MTHFD1L: variants seen among roughly 807,000 people sequenced by gnomAD.
MTHFD1L encodes the protein methylenetetrahydrofolate dehydrogenase (NADP+ dependent) 1 like, also known as monofunctional C1-tetrahydrofolate synthase, mitochondrial.
In MTHFD1L, 81 loss-of-function variants were observed where a neutral mutation model predicts 119.5. That is an observed-to-expected ratio of 0.68 (90% CI 0.57 to 0.82). The LOEUF is 0.82. Among genes scored for constraint, MTHFD1L ranks in the 40% least tolerant of loss-of-function variants. The pLI is 0.00. For missense variants in MTHFD1L, 1,125 were observed against 1,253.4 expected, an observed-to-expected ratio of 0.90 and a Z score of 1.55; for synonymous variants, 430 against 475.2, an observed-to-expected ratio of 0.90 and a Z score of 1.24.
intron 2 of MTHFD1L, among the ~76,000 whole-genome samples, chr6:150,876,441 A>G (rs558205630): frequency 5.6e-4 from 85 of 152,328 alleles, no homozygotes; most frequent in Non-Finnish European, 9.7e-4. Context: ...TGCATTACAC[A>G]GGATATATCG....
intron 7 of MTHFD1L, 146 bp downstream of exon 7, chr6:150,888,127 C>A: frequency 3.5e-6 from 3 of 847,502 alleles, no homozygotes; most frequent in Non-Finnish European, 4.9e-6. Context: ...TTGAATGAGT[C>A]TACTCACCAG....
intron 18 of MTHFD1L, among the ~76,000 whole-genome samples, chr6:150,961,072 AC>A (rs1472833192): frequency 6.7e-6 from 1 of 149,198 alleles, no homozygotes; most frequent in Non-Finnish European, 1.5e-5. Flanking sequence ...TGGTATAATA[AC>A]AACCTTTCCT....
chr6:151,033,416 G>A (rs1785636591), intron 24 of MTHFD1L, among the ~76,000 whole-genome samples: 1 of 152,028 alleles, frequency 6.6e-6, no homozygotes, highest in African/African-American at 2.4e-5. Context: ...CACTGCACCT[G>A]GCCACATATG....
At chr6:151,098,950 C>T (rs559205178) in intron 27 of MTHFD1L, among the ~76,000 whole-genome samples, 85 of 152,040 alleles carry the variant, frequency 5.6e-4, no homozygotes, top group African/African-American at 2.0e-3. Context: ...CCGAGGCAGG[C>T]GGATCACCTG....
chr6:150,995,243 C>T (rs148780570), intron 20 of MTHFD1L, among the ~76,000 whole-genome samples: 29 of 152,210 alleles, frequency 1.9e-4, no homozygotes, highest in East Asian at 9.7e-4. Context: ...AGGCCGGGCA[C>T]GGTGGCTCAC....
chr6:151,033,637 C>G (rs1268219030), intron 24 of MTHFD1L, among the ~76,000 whole-genome samples: 1 of 152,156 alleles, frequency 6.6e-6, no homozygotes, highest in Non-Finnish European at 1.5e-5. Flanking sequence ...TGTATCTAGT[C>G]TTCTCACATT....
intron 1 of MTHFD1L, among the ~76,000 whole-genome samples, chr6:150,872,470 G>A (rs1562288837): frequency 6.6e-6 from 1 of 152,100 alleles, no homozygotes; most frequent in Admixed American, 6.6e-5. Flanking sequence ...CAGAGGAGAG[G>A]GAGAGAGAAG....
chr6:151,059,251 C>T (rs963971346), intron 26 of MTHFD1L, among the ~76,000 whole-genome samples: 7 of 152,080 alleles, frequency 4.6e-5, no homozygotes, highest in African/African-American at 1.7e-4. Flanking sequence ...CACTCTTTTC[C>T]CCAGGCTGGG....
At chr6:151,059,754 G>A (rs1205538674) in intron 26 of MTHFD1L, among the ~76,000 whole-genome samples, 2 of 152,218 alleles carry the variant, frequency 1.3e-5, no homozygotes, top group Non-Finnish European at 2.9e-5. Flanking sequence ...AGTCTGGAGG[G>A]TGGCTGTGCT....
At position 151,015,563 on chromosome 6, in the gene MTHFD1L, G is replaced by A. The variant is rs552389460; in HGVS notation, c.2456G>A (p.Arg819Gln). The change falls in exon 24 of 28, where the codon CGG becomes CAG. Residue 819 changes from arginine to glutamine, a missense_variant. By Grantham distance (43) the Arg-to-Gln change is conservative. Transcript: ENST00000367321. ...GACTTGGTGTGTGAGCTTGCAAAGC[G>A]GGCTGGTGCCTTTGATGCAGTCCCC... The part of the protein sequence containing the change: ...EIDLVCELAK[R>Q]AGAFDAVPCY... The A allele has an allele frequency of 1.4e-5, 23 of 1,614,110 alleles. No individual in the cohort carries two copies. Among genetic ancestry groups the A allele is most frequent in the Admixed American group, 3.3e-5 (2 of 60,014 alleles).
In MTHFD1L at chr6:151,079,949, C is replaced by T. The variant is rs573851250; in HGVS notation, c.2848-12518C>T. On this transcript the variant is annotated intron_variant, in intron 26 of 27. Transcript: ENST00000367321. ...CAGGACTTTGGAGAGCCGAGGTAGG[C>T]GGTTCACCTAAGGTCAGGAGTTCAA... Among the ~76,000 whole-genome samples the T allele has an allele frequency of 4.5e-4, 68 of 151,342 alleles. 1 individual carries two copies. The South Asian group carries it at 5.6e-3, about 13-fold the overall frequency.
intron 26 of MTHFD1L, among the ~76,000 whole-genome samples, chr6:151,038,412 G>A (rs926285566): frequency 2.0e-5 from 3 of 151,970 alleles, no homozygotes; most frequent in South Asian, 2.1e-4. Flanking sequence ...AGTTGGATGA[G>A]GGGGGGTGGC....
intron 20 of MTHFD1L, among the ~76,000 whole-genome samples, chr6:151,003,600 T>C (rs1346380280): frequency 6.6e-6 from 1 of 152,126 alleles, no homozygotes; most frequent in Non-Finnish European, 1.5e-5. Context: ...ATCTTTCCCA[T>C]CTTTGTCATG....
At chr6:150,879,365 G>A (rs67446222) in intron 4 of MTHFD1L, among the ~76,000 whole-genome samples, 9,795 of 152,070 alleles carry the variant, frequency 0.064, 382 homozygotes, top group Non-Finnish European at 0.083. Flanking sequence ...TTGGCTCACT[G>A]CAACCTCTAC....
intron 24 of MTHFD1L, among the ~76,000 whole-genome samples, chr6:151,021,143 G>A (rs951393896): frequency 3.3e-5 from 5 of 152,136 alleles, no homozygotes; most frequent in Admixed American, 6.5e-5. Context: ...CTAATCTCTC[G>A]AGCCTCAGCA....
chr6:151,100,128 G>T (rs899465762), intron 27 of MTHFD1L, among the ~76,000 whole-genome samples: 5 of 151,206 alleles, frequency 3.3e-5, no homozygotes, highest in Non-Finnish European at 7.4e-5. Context: ...CCGCCTCCCG[G>T]GTTCACGCCA....
chr6:151,019,729 G>A (rs1783685709), intron 24 of MTHFD1L, among the ~76,000 whole-genome samples: 1 of 152,230 alleles, frequency 6.6e-6, no homozygotes, highest in Middle Eastern at 3.4e-3. Flanking sequence ...GGCTCTCTTT[G>A]TACTGTCTGC....
intron 16 of MTHFD1L, among the ~76,000 whole-genome samples, chr6:150,954,578 A>G (rs1795332307): frequency 6.6e-6 from 1 of 152,016 alleles, no homozygotes; most frequent in Non-Finnish European, 1.5e-5. Context: ...AATCCCAGCT[A>G]CTTGGGAGGC....
At chr6:150,918,550 C>T in intron 8 of MTHFD1L, 27 bp from the exon 9 acceptor site, 2 of 1,515,780 alleles carry the variant, frequency 1.3e-6, no homozygotes, top group Non-Finnish European at 1.8e-6. Flanking sequence ...TACTGAAAGT[C>T]TTTTTTTTCC....
Sources: allele counts gnomAD v4.1 joint callset (sites outside exome capture counted in the v4.1 genomes callset), GRCh38; gene constraint gnomAD v4.1.1; transcripts MANE v1.5; gene names NCBI Gene and HGNC (gene_info 2026-07-23, HGNC 2026-07-21).